The following ZNF607 variants were observed in gnomAD, a reference collection of about 807,000 sequenced individuals.
ZNF607 encodes zinc finger protein 607.
A neutral mutation model predicts 12.8 loss-of-function variants in ZNF607; 5 were observed. That is an observed-to-expected ratio of 0.39 (90% confidence interval 0.20 to 0.82). The LOEUF is 0.82. ZNF607 is among the 40% of genes least tolerant of loss of function. The pLI is 0.39. For missense variants in ZNF607, 851 were observed against 859.2 expected, an observed-to-expected ratio of 0.99 and a Z score of 0.12; for synonymous variants, 287 against 276.2, an observed-to-expected ratio of 1.04 and a Z score of -0.39.
At chr19:37,708,074 T>C (rs2045101632) in intron 3 of ZNF607, 62 bp from the exon 4 acceptor site, 1 of 1,357,578 alleles carries the variant, frequency 7.4e-7, no homozygotes, top group Admixed American at 1.8e-5. Context: ...AATTTAAAAT[T>C]ACAATTGCAA....
chr19:37,707,903 C>G lies in ZNF607; in HGVS notation c.235+11G>C. 5.0e-6 allele frequency: 8 copies of G among 1,604,700 alleles called. No individual in the cohort carries two copies. Among genetic ancestry groups the G allele is most frequent in the Non-Finnish European group, 5.9e-6 (7 of 1,176,522 alleles). On this transcript the variant is annotated intron_variant, in intron 4 of 4. Transcript: ENST00000355202. ...TACAAAAATGGCTGCCCCTGCCTGACTTGCTCTTACCTGTACACTCTCCTC... is the reference window on the plus strand; with the variant it reads ...TACAAAAATGGCTGCCCCTGCCTGAGTTGCTCTTACCTGTACACTCTCCTC...
intron 1 of ZNF607, among the ~76,000 whole-genome samples, chr19:37,714,331 ACAACAACAACAG>A (rs983818104): frequency 6.7e-6 from 1 of 148,522 alleles, no homozygotes; most frequent in African/African-American, 2.5e-5. Flanking sequence ...AACAACAACA[ACAACAACAACAG>A]CAGCAGCAGC....
At chr19:37,702,287 C>CAAAAAAAAAAAAAAA (rs10714690) in intron 4 of ZNF607, among the ~76,000 whole-genome samples, 33 of 73,564 alleles carry the variant, frequency 4.5e-4, no homozygotes, top group East Asian at 8.9e-4. Flanking sequence ...AACTCCATCT[C>CAAAAAAAAAAAAAAA]AAAAAAAAAA....
At chr19:37,714,811 A>T (rs963465433) in intron 1 of ZNF607, among the ~76,000 whole-genome samples, 2 of 152,228 alleles carry the variant, frequency 1.3e-5, no homozygotes, top group African/African-American at 4.8e-5. Context: ...TATGATAGCT[A>T]CTGTAATAAC....
In ZNF607 at chr19:37,709,735, C is replaced by G. The variant is rs927214734; in HGVS notation, c.97G>C (p.Glu33Gln). The change falls in exon 3 of 5, where the codon GAG (glutamate) becomes CAG (glutamine). Residue 33 changes from glutamate to glutamine, a missense_variant. By Grantham distance (29) the Glu-to-Gln change is conservative. Transcript: ENST00000355202. ...TTGTCATAGTTCTCCATCATCACCT[C>G]CTGGTACAAGGTCTTCTGAACCAGG... ...LSLVQKTLYQ[E>Q]VMMENYDNLV... 6.2e-7 allele frequency: 1 copy of G among 1,614,092 alleles called. No homozygotes were observed. The highest frequency in any genetic ancestry group is 1.3e-5 in the African/African-American group (1 of 75,052).
chr19:37,713,174 C>CT (rs2045146029), intron 1 of ZNF607, among the ~76,000 whole-genome samples: 1 of 151,860 alleles, frequency 6.6e-6, no homozygotes, highest in Admixed American at 6.6e-5. Context: ...AGCCCATAGA[C>CT]TCAGTGTAAT....
Position 37,698,305 on chromosome 19 carries a change from C to G in ZNF607, c.1826G>C (p.Arg609Thr), listed in dbSNP as rs750627691. 17 of 1,613,946 alleles carry G rather than the reference C, an allele frequency of 1.1e-5. No individual in the cohort carries two copies. Among genetic ancestry groups the G allele is most frequent in the Admixed American group, 1.7e-5 (1 of 60,000 alleles). Residue 609 changes from arginine to threonine, a missense_variant, in exon 5 of 5, where the codon AGA becomes ACA. Physicochemically the swap from Arg to Thr is moderately conservative, Grantham distance 71 (BLOSUM62 -1). Coordinates refer to ENST00000355202, the MANE Select transcript of ZNF607 (RefSeq NM_032689.5). The stretch of plus-strand genomic sequence containing the variant: ...ATAGGGTTTATCACTGGTATGAATT[C>G]TCTCATGAATAATAAGATGTGAAGC... ...SHASHLIIHERIHTSDKPYEC... is the reference protein window; with the variant it reads ...SHASHLIIHETIHTSDKPYEC...
chr19:37,698,567 G>C lies in ZNF607; in HGVS notation c.1564C>G (p.Gln522Glu), dbSNP rs762655164. ...TTACCACTGTGAATACTCAGATGCTGAGTAAGTTGTCCAGATACACTAAAG... is the reference window on the plus strand; with the variant it reads ...TTACCACTGTGAATACTCAGATGCTCAGTAAGTTGTCCAGATACACTAAAG... ...KAFSVSGQLT[Q>E]HLSIHSGKKP... The change falls in exon 5 of 5, where the codon CAG becomes GAG. Residue 522 changes from glutamine (Q) to glutamate (E), a missense_variant. Physicochemically the swap from Gln to Glu is conservative, Grantham distance 29. Coordinates refer to ENST00000355202, the MANE Select transcript of ZNF607 (RefSeq NM_032689.5). 5 of 1,611,768 alleles carry C rather than the reference G, an allele frequency of 3.1e-6. No individual in the cohort carries two copies. In the South Asian group the frequency reaches 5.5e-5, roughly 18 times the overall value.
chr19:37,717,111 A>T, intron 1 of ZNF607, among the ~76,000 whole-genome samples: 1 of 152,228 alleles, frequency 6.6e-6, no homozygotes, highest in African/African-American at 2.4e-5. Flanking sequence ...TCCTCTCTGA[A>T]AAACCAATTA....
chr19:37,699,694 T>C lies in ZNF607; in HGVS notation c.437A>G (p.Lys146Arg). The change falls in exon 5 of 5, where the codon AAG (lysine) becomes AGG (arginine). Residue 146 changes from lysine to arginine, a missense_variant. By Grantham distance (26) the Lys-to-Arg change is conservative (BLOSUM62 2). Transcript: ENST00000355202. The stretch of plus-strand genomic sequence containing the variant: ...AAGATGGCTAAATGCCTTCCTAAAC[T>C]TTTCACATTGATCAGGTTCCTCACT... ...HTSEEPDQCE[K>R]FRKAFSHLTD... is the part of the protein sequence containing the mutation. The C allele has an allele frequency of 6.2e-7, 1 of 1,614,118 alleles. No homozygotes were observed. Among genetic ancestry groups the C allele is most frequent in the Non-Finnish European group, 8.5e-7 (1 of 1,179,996 alleles).
intron 1 of ZNF607, 39 bp from the exon 2 acceptor site, chr19:37,711,731 G>C: frequency 9.4e-7 from 1 of 1,067,876 alleles, no homozygotes; most frequent in South Asian, 1.3e-5. Flanking sequence ...CTGTGCTTTA[G>C]TGGTCCCCAT....
At chr19:37,705,049 T>C (rs2045069649) in intron 4 of ZNF607, among the ~76,000 whole-genome samples, 1 of 151,436 alleles carries the variant, frequency 6.6e-6, no homozygotes, top group South Asian at 2.1e-4. Flanking sequence ...AGAATAAAAA[T>C]AATAATCATC....
chr19:37,698,255 A>C lies in ZNF607; in HGVS notation c.1876T>G (p.Phe626Val). 1 of 1,614,180 alleles carries C rather than the reference A, an allele frequency of 6.2e-7. No homozygotes were observed. Among genetic ancestry groups the C allele is most frequent in the Non-Finnish European group, 8.5e-7 (1 of 1,180,026 alleles). Residue 626 changes from phenylalanine (F) to valine (V), a missense_variant, in exon 5 of 5, where the codon TTT becomes GTT. Physicochemically the swap from Phe to Val is conservative, Grantham distance 50. Coordinates refer to ENST00000355202, the MANE Select transcript of ZNF607 (RefSeq NM_032689.5). ...CTAACAAGATATGAGGCACAGTGAA[A>C]TGCCTTCCCACATCTTTTACATTCA... is the stretch of plus-strand genomic sequence containing the variant. Reference protein sequence around the residue: ...PYECKRCGKAFHCASYLVRHE... With the variant: ...PYECKRCGKAVHCASYLVRHE...
At chr19:37,705,073 AAATAG>A (rs2045070031) in intron 4 of ZNF607, among the ~76,000 whole-genome samples, 1 of 152,152 alleles carries the variant, frequency 6.6e-6, no homozygotes, top group South Asian at 2.1e-4. Flanking sequence ...AAAAATAATA[AAATAG>A]AAAACTGAAA....
Position 37,704,033 on chromosome 19 carries a change from C to A in ZNF607, c.235+3881G>T, listed in dbSNP as rs553179413. Among the ~76,000 whole-genome samples, 17 of 151,898 alleles carry A rather than the reference C, an allele frequency of 1.1e-4. 1 individual carries two copies. The highest frequency in any genetic ancestry group is 2.4e-4 in the Non-Finnish European group (16 of 67,964). On this transcript the variant is annotated intron_variant, in intron 4 of 4. Coordinates refer to ENST00000355202, the MANE Select transcript of ZNF607 (RefSeq NM_032689.5). ...ATCTGTAGTCCCAGCTACTCAGAGG[C>A]TGAAGCAGGAGAATCACTTGAACCC...
intron 2 of ZNF607, 91 bp from the exon 3 acceptor site, chr19:37,709,913 T>C (rs2045118424): frequency 3.4e-6 from 5 of 1,473,030 alleles, no homozygotes; most frequent in Non-Finnish European, 4.6e-6. Flanking sequence ...TCCCAGCACT[T>C]TGGGAGGCCG....
In ZNF607 at chr19:37,696,922, A is replaced by G; in HGVS notation, c.*1118T>C. 1.5e-6 allele frequency: 1 copy of G among 673,016 alleles called. No homozygotes were observed. Among genetic ancestry groups the G allele is most frequent in the Non-Finnish European group, 2.7e-6 (1 of 368,506 alleles). 41.7% of individuals were successfully genotyped at this position (673,016 alleles called of 1,614,324 possible). ...GACACGTCGTCCAGAATGAGCCCAA[A>G]GGTGGCTGCTCACTCCATAAGGTTG... On this transcript the variant is annotated 3_prime_UTR_variant, in exon 5 of 5. Coordinates refer to ENST00000355202, the MANE Select transcript of ZNF607 (RefSeq NM_032689.5).
At chr19:37,707,493 G>T (rs1403347219) in intron 4 of ZNF607, among the ~76,000 whole-genome samples, 2 of 152,124 alleles carry the variant, frequency 1.3e-5, no homozygotes, top group African/African-American at 4.8e-5. Context: ...TTCTGGGCCA[G>T]GCACGGTGGT....
chr19:37,711,088 C>A (rs2045129059), intron 2 of ZNF607, among the ~76,000 whole-genome samples: 1 of 152,156 alleles, frequency 6.6e-6, no homozygotes, highest in Non-Finnish European at 1.5e-5. Flanking sequence ...GACTTTCTAT[C>A]CAAATCCACG....
Sources: allele counts gnomAD v4.1 joint callset (sites outside exome capture counted in the v4.1 genomes callset), GRCh38; gene constraint gnomAD v4.1.1; transcripts MANE v1.5; gene names NCBI Gene and HGNC (gene_info 2026-07-23, HGNC 2026-07-21).